MSANTD4: variants seen among roughly 807,000 people sequenced by gnomAD.
MSANTD4 encodes myb/SANT-like DNA-binding domain-containing protein 4.
MSANTD4 carries 13 observed loss-of-function variants against 34.3 expected under a neutral mutation model. The observed-to-expected ratio is 0.38, with a 90% CI of 0.25 to 0.60. The LOEUF (loss-of-function observed/expected upper bound fraction) is 0.60, where lower values mean the gene tolerates loss of function less well. Ranked by LOEUF, MSANTD4 falls within the 20% of genes least tolerant of loss-of-function variation. The pLI is 0.63. For synonymous variants in MSANTD4, 137 were observed against 145.2 expected (o/e 0.94, Z 0.41); for missense variants, 358 against 401.8 (o/e 0.89, Z 0.93).
chr11:106,012,286 T>A (rs554979108), intron 1 of MSANTD4, among the ~76,000 whole-genome samples: 2 of 152,092 alleles, frequency 1.3e-5, no homozygotes, highest in South Asian at 4.2e-4. Context: ...CACCCCATCC[T>A]CCCCTCCCTT....
chr11:106,019,364 C>T (rs1859959354), intron 1 of MSANTD4, among the ~76,000 whole-genome samples: 1 of 152,122 alleles, frequency 6.6e-6, no homozygotes, highest in South Asian at 2.1e-4. Context: ...TTTTATTTAA[C>T]CCAATATATC....
In MSANTD4 at chr11:106,010,468, C is replaced by G; in HGVS notation, c.450G>C (p.Pro150=). 1 of 1,612,296 alleles carries G rather than the reference C, an allele frequency of 6.2e-7. No individual in the cohort carries two copies. The change falls in exon 2 of 3, where the codon CCG becomes CCC. Residue 150 remains proline (P), a synonymous_variant. Coordinates refer to ENST00000301919, the MANE Select transcript of MSANTD4 (RefSeq NM_032424.3). ...GGCTAATACTTACTTCAGGACTCTG[C>G]GGATCCCTTTCTTCCTCTTCCACCT... The part of the protein sequence containing the change: ...EVKVEEEERD[P]QSPEFEIEEE...
rs1449143661 is a variant in MSANTD4 at position 106,021,371 on chromosome 11, AGAT to A, written c.-563_-561del. 2.6e-5 allele frequency: 4 copies of A among 152,216 alleles called. No individual in the cohort carries two copies. Among genetic ancestry groups the A allele is most frequent in the African/African-American group, 9.6e-5 (4 of 41,454 alleles). The allele number at this position is 152,216 out of a possible 1,614,324, so 9.4% of individuals were successfully genotyped here. A position where few individuals can be genotyped will look rare whatever the true frequency, so the allele number is the denominator to read the frequency against. Reference sequence around the variant, plus strand: ...TAGTTCACTTACGTAATCCTTGTGAAGATGATGTACTGCCAATGGCATAATATA... The same window carrying A: ...TAGTTCACTTACGTAATCCTTGTGAAGATGTACTGCCAATGGCATAATATA... On this transcript the variant is annotated 5_prime_UTR_variant, in exon 1 of 3. Coordinates refer to ENST00000301919, the MANE Select transcript of MSANTD4 (RefSeq NM_032424.3).
intron 1 of MSANTD4, among the ~76,000 whole-genome samples, chr11:106,012,699 G>T (rs919501373): frequency 1.3e-5 from 2 of 152,142 alleles, no homozygotes; most frequent in African/African-American, 4.8e-5. Flanking sequence ...CTCGAAGTGG[G>T]ACCTAGCAAT....
At position 106,015,707 on chromosome 11, in the gene MSANTD4, C is replaced by CT. The variant is rs759389399; in HGVS notation, c.-150-4641dup. On this transcript the variant is annotated intron_variant, in intron 1 of 2. Coordinates refer to ENST00000301919, the MANE Select transcript of MSANTD4 (RefSeq NM_032424.3). The stretch of plus-strand genomic sequence containing the variant: ...ATACTACAGAATTGTCAAATTAGAA[C>CT]TTTTTTTTTTTTTTGAGTGGGCAGA... Among the ~76,000 whole-genome samples the CT allele has an allele frequency of 1.9e-3, 273 of 144,506 alleles. 4 individuals are homozygous for CT. Among genetic ancestry groups the CT allele is most frequent in the South Asian group, 7.6e-3 (34 of 4,482 alleles). 94.8% of individuals were successfully genotyped at this position (144,506 alleles called of 152,430 possible).
Position 106,008,138 on chromosome 11 carries a change from A to G in MSANTD4, c.*1397T>C, listed in dbSNP as rs1228550370. 1 of 152,658 alleles carries G rather than the reference A, an allele frequency of 6.6e-6. No individual in the cohort carries two copies. The highest frequency in any genetic ancestry group is 1.5e-5 in the Non-Finnish European group (1 of 68,040). 9.5% of individuals were successfully genotyped at this position (152,658 alleles called of 1,614,324 possible). A position where few individuals can be genotyped will look rare whatever the true frequency, so the allele number is the denominator to read the frequency against. ...GCTACGTATCAACCTTGAAAATCAG[A>G]AAACACAAAGTGATCTAGTGCAGTG... On this transcript the variant is annotated 3_prime_UTR_variant, in exon 3 of 3. Transcript: ENST00000301919.
At position 106,009,360 on chromosome 11, in the gene MSANTD4, T is replaced by C; in HGVS notation, c.*175A>G. ...TAAGTTTCTGCTATACTGTTTACGC[T>C]AGGGCACAGCTTTTATATACTACTT... On this transcript the variant is annotated 3_prime_UTR_variant, in exon 3 of 3. Transcript: ENST00000301919. The C allele has an allele frequency of 1.6e-6, 1 of 614,702 alleles. No homozygotes were observed. The highest frequency in any genetic ancestry group is 2.8e-6 in the Non-Finnish European group (1 of 354,008). 38.1% of individuals were successfully genotyped at this position (614,702 alleles called of 1,614,324 possible).
chr11:106,008,139 A>G lies in MSANTD4; in HGVS notation c.*1396T>C, dbSNP rs1250981565. 6.6e-6 allele frequency: 1 copy of G among 152,648 alleles called. No individual in the cohort carries two copies. Among genetic ancestry groups the G allele is most frequent in the Non-Finnish European group, 1.5e-5 (1 of 68,046 alleles). 9.5% of individuals were successfully genotyped at this position (152,648 alleles called of 1,614,324 possible). A position where few individuals can be genotyped will look rare whatever the true frequency, so the allele number is the denominator to read the frequency against. On this transcript the variant is annotated 3_prime_UTR_variant, in exon 3 of 3. Transcript: ENST00000301919. ...CTACGTATCAACCTTGAAAATCAGA[A>G]AACACAAAGTGATCTAGTGCAGTGA...
chr11:106,010,718 G>A lies in MSANTD4; in HGVS notation c.200C>T (p.Thr67Ile), dbSNP rs1859668993. 1 of 1,613,934 alleles carries A rather than the reference G, an allele frequency of 6.2e-7. No individual in the cohort carries two copies. Among genetic ancestry groups the A allele is most frequent in the Admixed American group, 1.7e-5 (1 of 59,986 alleles). The stretch of plus-strand genomic sequence containing the variant: ...GTCAAGGTACCTTCTTTTCACCTCT[G>A]TCCCTGTCCTCTGTTCTCCTTCTCC... ...AVGEGEQRTG[T>I]EVKRRYLDWR... Residue 67 changes from threonine to isoleucine, a missense_variant, in exon 2 of 3, where the codon ACA (threonine) becomes ATA (isoleucine). Transcript: ENST00000301919.
chr11:106,020,273 G>T (rs547527709), intron 1 of MSANTD4, among the ~76,000 whole-genome samples: 5 of 152,150 alleles, frequency 3.3e-5, no homozygotes, highest in Admixed American at 6.5e-5. Context: ...GAAGTATCAG[G>T]AATTAAAGCT....
intron 1 of MSANTD4, among the ~76,000 whole-genome samples, chr11:106,017,349 GCA>G (rs1228164569): frequency 6.6e-6 from 1 of 152,178 alleles, no homozygotes; most frequent in African/African-American, 2.4e-5. Context: ...GGGATCATGT[GCA>G]CAGTCATTTC....
rs1159745878 is a variant in MSANTD4 at position 106,021,733 on chromosome 11, T to A, written c.-922A>T. 6.6e-6 allele frequency: 1 copy of A among 152,040 alleles called. No individual in the cohort carries two copies. Among genetic ancestry groups the A allele is most frequent in the Non-Finnish European group, 1.5e-5 (1 of 68,042 alleles). The allele number at this position is 152,040 out of a possible 1,614,324, so 9.4% of individuals were successfully genotyped here. ...GACGGTTATCAAAGTATCTTTCACCTCCCTCCCGCTGCCTCCTTTGGGACC... is the reference window on the plus strand; with the variant it reads ...GACGGTTATCAAAGTATCTTTCACCACCCTCCCGCTGCCTCCTTTGGGACC... On this transcript the variant is annotated 5_prime_UTR_variant, in exon 1 of 3. Transcript: ENST00000301919.
At chr11:106,011,124 A>C in intron 1 of MSANTD4, 57 bp from the exon 2 acceptor site, 1 of 797,156 alleles carries the variant, frequency 1.3e-6, no homozygotes, top group Non-Finnish European at 1.8e-6. Context: ...AACATACTTC[A>C]ACCTAATGAA....
At chr11:106,019,654 C>T (rs1272748380) in intron 1 of MSANTD4, among the ~76,000 whole-genome samples, 1 of 152,200 alleles carries the variant, frequency 6.6e-6, no homozygotes, top group Non-Finnish European at 1.5e-5. Flanking sequence ...GTCTGATGTC[C>T]TCCCTATGTG....
intron 1 of MSANTD4, among the ~76,000 whole-genome samples, chr11:106,015,530 T>C (rs771195901): frequency 6.6e-6 from 1 of 152,234 alleles, no homozygotes; most frequent in Non-Finnish European, 1.5e-5. Context: ...GGGTCTTTAT[T>C]ATTATGCTTC....
chr11:106,014,562 G>A (rs1427052616), intron 1 of MSANTD4, among the ~76,000 whole-genome samples: 3 of 152,112 alleles, frequency 2.0e-5, no homozygotes, highest in African/African-American at 7.2e-5. Flanking sequence ...ATTAAGCAAG[G>A]CTAAATTGAA....
intron 1 of MSANTD4, among the ~76,000 whole-genome samples, chr11:106,020,392 T>G (rs1859997327): frequency 6.6e-6 from 1 of 152,184 alleles, no homozygotes; most frequent in Admixed American, 6.5e-5. Flanking sequence ...ACTGTGAAAG[T>G]TTTTTGAAAT....
In MSANTD4 at chr11:106,008,664, T is replaced by A. The variant is rs1252009576; in HGVS notation, c.*871A>T. On this transcript the variant is annotated 3_prime_UTR_variant, in exon 3 of 3. Transcript: ENST00000301919. ...TTTACTAGCTTCAACTATTCACTTA[T>A]AAGATTTCAGTACATTACTGAAATG... The A allele has an allele frequency of 6.6e-6, 1 of 152,202 alleles. No individual in the cohort carries two copies. Among genetic ancestry groups the A allele is most frequent in the Non-Finnish European group, 1.5e-5 (1 of 68,034 alleles). The allele number at this position is 152,202 out of a possible 1,614,324, so 9.4% of individuals were successfully genotyped here. A position where few individuals can be genotyped will look rare whatever the true frequency, so the allele number is the denominator to read the frequency against.
At chr11:106,019,038 T>G (rs2134960699) in intron 1 of MSANTD4, among the ~76,000 whole-genome samples, 1 of 152,300 alleles carries the variant, frequency 6.6e-6, no homozygotes, top group Middle Eastern at 3.4e-3. Context: ...ACTTAAGAGG[T>G]AAGTTTACTT....
Sources: gnomAD v4.1 joint callset for allele counts (sites outside exome capture counted in the v4.1 genomes callset) on GRCh38, gnomAD v4.1.1 for gene constraint, MANE v1.5 for transcripts, NCBI Gene and HGNC (gene_info 2026-07-23, HGNC 2026-07-21) for gene names.